The following OTOGL variants were observed in gnomAD, a reference collection of about 807,000 sequenced individuals.
OTOGL encodes otogelin like.
OTOGL carries 285 observed loss-of-function variants against 318.5 expected under a neutral mutation model. The observed-to-expected ratio is 0.89, with a 90% CI of 0.81 to 0.99. OTOGL has a LOEUF of 0.99. Ranked by LOEUF, OTOGL falls within the 50% of genes least tolerant of loss-of-function variation. The pLI is 0.00. For synonymous variants in OTOGL, 987 were observed against 936.5 expected (o/e 1.05, Z -0.99); for missense variants, 2,899 against 2,845.6 (o/e 1.02, Z -0.43).
At chr12:80,325,494 C>T (rs1337719781) in intron 35 of OTOGL, among the ~76,000 whole-genome samples, 4 of 152,214 alleles carry the variant, frequency 2.6e-5, no homozygotes, top group Non-Finnish European at 4.4e-5. Flanking sequence ...AGAGAAGCTA[C>T]ACAGTTTGCC....
chr12:80,358,735 A>G lies in OTOGL; in HGVS notation c.6186A>G (p.Lys2062=). 1.2e-6 allele frequency: 2 copies of G among 1,613,090 alleles called. No homozygotes were observed. Among genetic ancestry groups the G allele is most frequent in the Non-Finnish European group, 1.7e-6 (2 of 1,179,314 alleles). ...GTGCAGAAGATATGAATCTTGTGAA[A>G]GAAAATGTATCTGGTCAATGTTGCC... The part of the protein sequence containing the change: ...LNCAEDMNLV[K]ENVSGQCCPT... The change falls in exon 51 of 59, where the codon AAA becomes AAG. Residue 2062 remains lysine (K), a synonymous_variant. Transcript: ENST00000547103.
intron 28 of OTOGL, among the ~76,000 whole-genome samples, chr12:80,305,330 G>C (rs1022447958): frequency 6.6e-6 from 1 of 152,178 alleles, no homozygotes; most frequent in African/African-American, 2.4e-5. Context: ...TTAATGCTAA[G>C]ACACTGGTAA....
intron 1 of OTOGL, among the ~76,000 whole-genome samples, chr12:80,126,460 C>T (rs190921034): frequency 1.3e-5 from 2 of 152,042 alleles, no homozygotes; most frequent in African/African-American, 4.8e-5. Context: ...TTACTTCCAA[C>T]TATGTGGTCA....
At chr12:80,102,408 T>G (rs1024715783) in intron 1 of OTOGL, among the ~76,000 whole-genome samples, 5 of 152,208 alleles carry the variant, frequency 3.3e-5, no homozygotes, top group Non-Finnish European at 5.9e-5. Flanking sequence ...TGCACCAGCA[T>G]GCAATTGCCT....
intron 1 of OTOGL, among the ~76,000 whole-genome samples, chr12:80,107,917 A>C (rs1869550712): frequency 1.3e-5 from 2 of 152,086 alleles, no homozygotes; most frequent in Non-Finnish European, 2.9e-5. Flanking sequence ...GGACACGAAG[A>C]GGGAAATAAC....
At chr12:80,239,848 T>G (rs1285416330) in intron 11 of OTOGL, among the ~76,000 whole-genome samples, 1 of 152,088 alleles carries the variant, frequency 6.6e-6, no homozygotes, top group Non-Finnish European at 1.5e-5. Flanking sequence ...ACATGTACAT[T>G]GTACCCATAA....
chr12:80,180,546 A>G (rs369097913), intron 1 of OTOGL, among the ~76,000 whole-genome samples: 38 of 152,326 alleles, frequency 2.5e-4, no homozygotes, highest in African/African-American at 8.4e-4. Flanking sequence ...TTGTACTTAA[A>G]CAGAGAAAGG....
At chr12:80,302,520 T>C in intron 27 of OTOGL, 114 bp from the exon 28 acceptor site, 1 of 655,718 alleles carries the variant, frequency 1.5e-6, no homozygotes, top group Non-Finnish European at 2.2e-6. Flanking sequence ...GGCATGACCA[T>C]GCAACAATAT....
intron 1 of OTOGL, among the ~76,000 whole-genome samples, chr12:80,163,171 C>A (rs763132123): frequency 6.6e-6 from 1 of 151,878 alleles, no homozygotes; most frequent in East Asian, 1.9e-4. Flanking sequence ...TTATAAGTTG[C>A]TGATGATAGG....
intron 39 of OTOGL, 76 bp from the exon 40 acceptor site, chr12:80,336,337 A>AT: frequency 2.8e-6 from 4 of 1,422,488 alleles, no homozygotes; most frequent in Non-Finnish European, 3.7e-6. Flanking sequence ...AATTTAACAG[A>AT]TTTTTTTAAA....
intron 1 of OTOGL, among the ~76,000 whole-genome samples, chr12:80,135,860 G>T (rs890700416): frequency 6.6e-6 from 1 of 152,136 alleles, no homozygotes; most frequent in African/African-American, 2.4e-5. Flanking sequence ...GAACAGAAAG[G>T]CCGACTCTCA....
chr12:80,211,874 G>A (rs571902544), intron 3 of OTOGL, 75 bp from the exon 4 acceptor site: 33 of 1,191,594 alleles, frequency 2.8e-5, no homozygotes, highest in Non-Finnish European at 3.8e-5. Flanking sequence ...GAAAACACCA[G>A]CTCTCTCTTG....
At chr12:80,280,475 T>C (rs544219169) in intron 26 of OTOGL, among the ~76,000 whole-genome samples, 1 of 151,810 alleles carries the variant, frequency 6.6e-6, no homozygotes, top group South Asian at 2.1e-4. Context: ...TTTTTGTATT[T>C]AATGCAAGGA....
At chr12:80,257,777 A>G (rs773038026) in intron 17 of OTOGL, 48 bp from the exon 18 acceptor site, 4 of 1,413,128 alleles carry the variant, frequency 2.8e-6, no homozygotes, top group Admixed American at 2.4e-5. Context: ...ATTTCAGAAC[A>G]CCGTCTATGA....
intron 25 of OTOGL, 137 bp from the exon 26 acceptor site, chr12:80,278,891 A>T: frequency 2.0e-6 from 2 of 978,602 alleles, no homozygotes; most frequent in South Asian, 1.4e-5. Flanking sequence ...AGGTGGTATC[A>T]GAATGAACTG....
intron 1 of OTOGL, among the ~76,000 whole-genome samples, chr12:80,187,889 C>A (rs528140792): frequency 1.3e-5 from 2 of 152,286 alleles, no homozygotes; most frequent in Admixed American, 1.3e-4. Context: ...TTGTTTTCTA[C>A]TATCTTGAGA....
Position 80,222,221 on chromosome 12 carries a change from T to C in OTOGL, c.465T>C (p.Asp155=), listed in dbSNP as rs778218262. The C allele has an allele frequency of 3.8e-6, 6 of 1,597,272 alleles. No individual in the cohort carries two copies. Among genetic ancestry groups the C allele is most frequent in the Non-Finnish European group, 5.1e-6 (6 of 1,178,038 alleles). Residue 155 remains aspartate (D), a synonymous_variant, in exon 7 of 59, where the codon GAT becomes GAC. Transcript: ENST00000547103. The part of the protein sequence containing the change: ...CSYIFAKDCG[D]LEPRYTVWVH... ...ACATTTTTGCAAAGGACTGTGGTGA[T>C]TTGGAGCCTCGGTACACTGTATGGG...
chr12:80,177,909 A>C (rs1874634386), intron 1 of OTOGL, among the ~76,000 whole-genome samples: 1 of 152,160 alleles, frequency 6.6e-6, no homozygotes, highest in Admixed American at 6.5e-5. Context: ...TGAATATTCC[A>C]GCTGATGCCC....
chr12:80,265,674 G>C (rs1445954324), intron 20 of OTOGL: 1 of 174,132 alleles, frequency 5.7e-6, no homozygotes, highest in East Asian at 1.5e-4. Flanking sequence ...TTGTTTCCTT[G>C]TGTGTTTTAT....
Sources: gnomAD v4.1 joint callset for allele counts (sites outside exome capture counted in the v4.1 genomes callset) on GRCh38, gnomAD v4.1.1 for gene constraint, MANE v1.5 for transcripts, NCBI Gene and HGNC (gene_info 2026-07-23, HGNC 2026-07-21) for gene names.